CNTN5: variants seen among roughly 807,000 people sequenced by gnomAD.
The protein encoded by CNTN5 is contactin-5.
Under a neutral mutation model 129.1 loss-of-function variants are expected in CNTN5, and 77 were observed. The ratio of observed to expected loss-of-function variants is 0.60; its 90% CI spans 0.50 to 0.72. The LOEUF is 0.72. Among genes scored for constraint, CNTN5 ranks in the 30% least tolerant of loss-of-function variants. CNTN5 has a pLI of 0.00. For missense variants in CNTN5, 1,478 were observed against 1,328.8 expected (o/e 1.11, Z -1.75); for synonymous variants, 509 against 465.6 (o/e 1.09, Z -1.20).
At chr11:100,299,933 T>C (rs571956123) in intron 20 of CNTN5, among the ~76,000 whole-genome samples, 3 of 151,610 alleles carry the variant, frequency 2.0e-5, no homozygotes, top group African/African-American at 4.8e-5. Context: ...CTCCGTTATG[T>C]AGAAAGAGAA....
chr11:100,014,555 T>G (rs755824719), intron 9 of CNTN5, among the ~76,000 whole-genome samples: 38 of 152,052 alleles, frequency 2.5e-4, no homozygotes, highest in Non-Finnish European at 4.3e-4. Flanking sequence ...CACTCCAGCC[T>G]GTCTAAAGAG....
intron 19 of CNTN5, among the ~76,000 whole-genome samples, chr11:100,298,816 C>T (rs578140961): frequency 1.3e-5 from 2 of 151,268 alleles, no homozygotes; most frequent in South Asian, 2.1e-4. Flanking sequence ...AAGATATTCC[C>T]GACCACCAGA....
chr11:99,553,670 G>C (rs912808774), intron 2 of CNTN5, among the ~76,000 whole-genome samples: 1 of 151,634 alleles, frequency 6.6e-6, no homozygotes, highest in Non-Finnish European at 1.5e-5. Flanking sequence ...ATCTTAATTA[G>C]CTTGATTTAA....
chr11:100,074,409 C>A, intron 13 of CNTN5, 115 bp downstream of exon 13: 1 of 909,604 alleles, frequency 1.1e-6, no homozygotes, highest in Non-Finnish European at 1.7e-6. Context: ...ATTTTATGAA[C>A]TGATTGAAAC....
chr11:99,091,570 G>T (rs890657697), intron 1 of CNTN5, among the ~76,000 whole-genome samples: 4 of 152,200 alleles, frequency 2.6e-5, no homozygotes, highest in African/African-American at 7.2e-5. Flanking sequence ...GAATCATAGT[G>T]AGGCTGCTTT....
chr11:100,320,892 T>G (rs192887675), intron 21 of CNTN5, among the ~76,000 whole-genome samples: 7 of 152,210 alleles, frequency 4.6e-5, no homozygotes, highest in African/African-American at 1.2e-4. Context: ...TTTCCCGGTG[T>G]TTTATTCTGT....
intron 1 of CNTN5, among the ~76,000 whole-genome samples, chr11:99,156,642 T>A (rs1039523533): frequency 6.6e-6 from 1 of 151,746 alleles, no homozygotes; most frequent in African/African-American, 2.4e-5. Context: ...CATCCTATAA[T>A]TTTTTTTATA....
chr11:100,041,743 TA>T (rs1285159278), intron 9 of CNTN5, among the ~76,000 whole-genome samples: 2 of 152,180 alleles, frequency 1.3e-5, no homozygotes, highest in East Asian at 3.9e-4. Flanking sequence ...ATAATTGTTT[TA>T]AAAAACAATG....
chr11:100,286,739 G>A (rs1157607229), intron 18 of CNTN5, among the ~76,000 whole-genome samples: 43 of 146,194 alleles, frequency 2.9e-4, no homozygotes, highest in South Asian at 8.8e-4. Flanking sequence ...ACCAGCAACG[G>A]AACAAAGCTG....
At chr11:99,628,193 T>G (rs2135790074) in intron 3 of CNTN5, among the ~76,000 whole-genome samples, 1 of 151,998 alleles carries the variant, frequency 6.6e-6, no homozygotes, top group Admixed American at 6.6e-5. Flanking sequence ...TTATCATCAT[T>G]ATCACTCACA....
intron 3 of CNTN5, among the ~76,000 whole-genome samples, chr11:99,695,438 G>T (rs1056734370): frequency 2.6e-5 from 4 of 152,150 alleles, no homozygotes; most frequent in African/African-American, 9.7e-5. Context: ...AAAACTCAGA[G>T]ACATGGGATA....
chr11:99,127,143 A>C (rs777102896), intron 1 of CNTN5, among the ~76,000 whole-genome samples: 2 of 152,172 alleles, frequency 1.3e-5, no homozygotes, highest in Non-Finnish European at 2.9e-5. Flanking sequence ...CTTCAAATTC[A>C]CATGCCCCAA....
intron 21 of CNTN5, chr11:100,308,986 A>G (rs1951413772): frequency 2.0e-6 from 2 of 984,948 alleles, no homozygotes; most frequent in Non-Finnish European, 2.4e-6. Flanking sequence ...AATGGTGAAC[A>G]TTTCATATCA....
At chr11:99,272,899 A>C (rs1863241367) in intron 1 of CNTN5, among the ~76,000 whole-genome samples, 1 of 151,872 alleles carries the variant, frequency 6.6e-6, no homozygotes, top group South Asian at 2.1e-4. Flanking sequence ...AACTTATAAC[A>C]TTTAAAGAAA....
chr11:100,211,713 C>CA (rs1949036869), intron 15 of CNTN5, among the ~76,000 whole-genome samples: 1 of 152,182 alleles, frequency 6.6e-6, no homozygotes. Flanking sequence ...ACTTCTCCAT[C>CA]ATAACCCTAG....
At position 99,909,424 on chromosome 11, in the gene CNTN5, G is replaced by C. The variant is rs150006111; in HGVS notation, c.578-6630G>C. 4.4e-3 allele frequency among the ~76,000 whole-genome samples: 670 copies of C among 152,140 alleles called. 6 individuals carry two copies. Among genetic ancestry groups the C allele is most frequent in the African/African-American group, 0.012 (509 of 41,530 alleles). ...GTGGCGATTCCTCAGGGATCTAGAA[G>C]TAGAAATACCATTTGACTCAACCAT... On this transcript the variant is annotated intron_variant, in intron 6 of 24. Coordinates refer to ENST00000524871, the MANE Select transcript of CNTN5 (RefSeq NM_014361.4).
intron 13 of CNTN5, among the ~76,000 whole-genome samples, chr11:100,126,044 T>A (rs80317608): frequency 1.3e-5 from 2 of 152,134 alleles, no homozygotes; most frequent in African/African-American, 4.8e-5. Flanking sequence ...ATTTCTGCCT[T>A]AATTTTGTTG....
At chr11:99,595,000 T>C (rs1950082467) in intron 3 of CNTN5, among the ~76,000 whole-genome samples, 1 of 152,166 alleles carries the variant, frequency 6.6e-6, no homozygotes, top group African/African-American at 2.4e-5. Flanking sequence ...ATATGTAGAA[T>C]CAATTAGTTG....
chr11:100,135,035 A>G (rs1302914886), intron 13 of CNTN5, among the ~76,000 whole-genome samples: 7 of 152,128 alleles, frequency 4.6e-5, no homozygotes, highest in Admixed American at 4.6e-4. Context: ...TGATTCATTT[A>G]GGGGTTTATT....
Sources: allele counts gnomAD v4.1 joint callset (sites outside exome capture counted in the v4.1 genomes callset), GRCh38; gene constraint gnomAD v4.1.1; transcripts MANE v1.5; gene names NCBI Gene and HGNC (gene_info 2026-07-23, HGNC 2026-07-21).